Variants in PIEZO1 observed in about 807,000 individuals in gnomAD.
The protein encoded by PIEZO1 is piezo-type mechanosensitive ion channel component 1.
A neutral mutation model predicts 297.2 loss-of-function variants in PIEZO1; 296 were observed. The ratio of observed to expected loss-of-function variants is 1.00; its 90% CI spans 0.91 to 1.10. PIEZO1 has a LOEUF of 1.10. Among genes scored for constraint, PIEZO1 ranks in the 50% least tolerant of loss-of-function variants. PIEZO1 has a pLI of 0.00. For synonymous variants in PIEZO1, 2,427 were observed against 1,507.5 expected (o/e 1.61, Z -14.13); for missense variants, 5,018 against 3,455.5 (o/e 1.45, Z -11.34).
chr16:88,768,835 G>A (rs1432599720), intron 1 of PIEZO1, among the ~76,000 whole-genome samples: 1 of 152,252 alleles, frequency 6.6e-6, no homozygotes, highest in Non-Finnish European at 1.5e-5. Flanking sequence ...ACCGCGAGCT[G>A]CAGGGCCCAG....
Position 88,722,565 on chromosome 16 carries a change from G to C in PIEZO1, c.4775+18C>G. ...CACCAGGGGCAGCAGCTGGGGCTCG[G>C]GTCACCCCCGCACCTACCTGGACAC... On this transcript the variant is annotated intron_variant, in intron 35 of 50. Transcript: ENST00000301015. 6.7e-7 allele frequency: 1 copy of C among 1,492,480 alleles called. No individual in the cohort carries two copies. The highest frequency in any genetic ancestry group is 9.0e-7 in the Non-Finnish European group (1 of 1,116,008). The allele number at this position is 1,492,480 out of a possible 1,614,324, so 92.5% of individuals were successfully genotyped here.
chr16:88,720,384 C>A lies in PIEZO1; in HGVS notation c.5949+1G>T. On this transcript the variant is annotated splice_donor_variant, in intron 41 of 50. Coordinates refer to ENST00000301015, the MANE Select transcript of PIEZO1 (RefSeq NM_001142864.4). LOFTEE classifies it high-confidence loss of function. Reference sequence around the variant, plus strand: ...GGGTTTGGGTCCCGGGCCTGGCTCACCCCAAAGGCCCAGAAGCCAAAAATG... The same window carrying A: ...GGGTTTGGGTCCCGGGCCTGGCTCAACCCAAAGGCCCAGAAGCCAAAAATG... 6.5e-7 allele frequency: 1 copy of A among 1,549,952 alleles called. No individual in the cohort carries two copies. Among genetic ancestry groups the A allele is most frequent in the Non-Finnish European group, 8.7e-7 (1 of 1,146,822 alleles).
intron 1 of PIEZO1, among the ~76,000 whole-genome samples, chr16:88,779,705 A>G (rs1907840886): frequency 6.6e-6 from 1 of 152,228 alleles, no homozygotes; most frequent in Non-Finnish European, 1.5e-5. Context: ...GGAGGCCGAC[A>G]GCCCCACAGG....
intron 1 of PIEZO1, among the ~76,000 whole-genome samples, chr16:88,765,573 G>T (rs558653681): frequency 6.6e-6 from 1 of 152,300 alleles, no homozygotes; most frequent in Non-Finnish European, 1.5e-5. Context: ...CGGACACGTG[G>T]CCAGGTGAGC....
At chr16:88,782,090 C>G (rs893067138) in intron 1 of PIEZO1, among the ~76,000 whole-genome samples, 2 of 152,236 alleles carry the variant, frequency 1.3e-5, no homozygotes, top group African/African-American at 4.8e-5. Flanking sequence ...CCCATATTAT[C>G]AGAATCACAA....
Position 88,715,478 on chromosome 16 carries a change from G to C in PIEZO1, c.*127C>G, listed in dbSNP as rs937824210. ...AGCAGCATCAGGGCTCAGGCAGGCC[G>C]GGAGGATGCATCACAGCTGGCGGCC... is the stretch of plus-strand genomic sequence containing the variant. On this transcript the variant is annotated 3_prime_UTR_variant, in exon 51 of 51. Transcript: ENST00000301015. 2 of 1,067,868 alleles carry C rather than the reference G, an allele frequency of 1.9e-6. No homozygotes were observed. Among genetic ancestry groups the C allele is most frequent in the Non-Finnish European group, 1.3e-6 (1 of 743,782 alleles). The allele number at this position is 1,067,868 out of a possible 1,614,324, so 66.1% of individuals were successfully genotyped here.
At chr16:88,746,673 G>A (rs528775056) in intron 2 of PIEZO1, among the ~76,000 whole-genome samples, 15 of 152,288 alleles carry the variant, frequency 9.8e-5, no homozygotes, top group Non-Finnish European at 2.2e-4. Context: ...CCGGAAAACT[G>A]GGCAGCATCT....
In PIEZO1 at chr16:88,720,869, A is replaced by G. The variant is rs1302799311; in HGVS notation, c.5669-121T>C. ...GACAGACAAGCAGACGGAGCACAGG[A>G]AAGCTCCCAGTGTCACTGGCAAGGA... is the stretch of plus-strand genomic sequence containing the variant. On this transcript the variant is annotated intron_variant, in intron 39 of 50. Coordinates refer to ENST00000301015, the MANE Select transcript of PIEZO1 (RefSeq NM_001142864.4). The G allele has an allele frequency of 6.7e-6, 8 of 1,189,604 alleles. No homozygotes were observed. The Admixed American group carries it at 1.5e-4, about 22-fold the overall frequency. 73.7% of individuals were successfully genotyped at this position (1,189,604 alleles called of 1,614,324 possible).
Position 88,738,797 on chromosome 16 carries a change from C to T in PIEZO1, c.466-61G>A, listed in dbSNP as rs1482669073. 7 of 1,419,648 alleles carry T rather than the reference C, an allele frequency of 4.9e-6. No homozygotes were observed. In the East Asian group the frequency reaches 1.8e-4, roughly 36 times the overall value. 87.9% of individuals were successfully genotyped at this position (1,419,648 alleles called of 1,614,324 possible). The stretch of plus-strand genomic sequence containing the variant: ...ATCGCACTGACGCCACCTCTCCAGC[C>T]CACACCTGCCCAGCCAGGAGCGTGG... On this transcript the variant is annotated intron_variant, in intron 5 of 50. Transcript: ENST00000301015.
At chr16:88,719,247 CACGAA>C in intron 44 of PIEZO1, 1 of 311,384 alleles carries the variant, frequency 3.2e-6, no homozygotes, top group Non-Finnish European at 6.1e-6. Context: ...TGGTCTGACG[CACGAA>C]TTCTCTCTGA....
rs376635522 is a variant in PIEZO1, at chr16:88,721,032, A to G, written c.5668+134T>C. On this transcript the variant is annotated intron_variant, in intron 39 of 50. Transcript: ENST00000301015. The stretch of plus-strand genomic sequence containing the variant: ...TAGGCAGAGCCGGGAGCTGTGGCTC[A>G]GAAGTGGCACCTTCCTGGGATCCAG... The G allele has an allele frequency of 5.8e-4, 563 of 962,800 alleles. 1 individual carries two copies. The highest frequency in any genetic ancestry group is 8.1e-4 in the Non-Finnish European group (541 of 669,552). The allele number at this position is 962,800 out of a possible 1,614,324, so 59.6% of individuals were successfully genotyped here.
Position 88,716,113 on chromosome 16 carries a change from T to G in PIEZO1, c.7136A>C (p.Glu2379Ala), listed in dbSNP as rs778557889. The G allele has an allele frequency of 5.8e-6, 9 of 1,544,262 alleles. No individual in the cohort carries two copies. The highest frequency in any genetic ancestry group is 2.0e-5 in the Admixed American group (1 of 50,614). The stretch of plus-strand genomic sequence containing the variant: ...GATACGCACGCCGAGGTAGTCGGCC[T>G]CCTCATCTGGGATGGAGGGAGAAGA... Reference protein sequence around the residue: ...NPVKQLQPNEEADYLGVRIQL... With the variant: ...NPVKQLQPNEAADYLGVRIQL... The change falls in exon 50 of 51, where the codon GAG (glutamate) becomes GCG (alanine). Residue 2379 changes from glutamate (E) to alanine (A), a missense_variant. Coordinates refer to ENST00000301015, the MANE Select transcript of PIEZO1 (RefSeq NM_001142864.4).
chr16:88,737,392 T>G, intron 10 of PIEZO1, 167 bp downstream of exon 10: 1 of 578,226 alleles, frequency 1.7e-6, no homozygotes, highest in South Asian at 2.1e-5. Flanking sequence ...GCCCTGGGGG[T>G]CTCGGGGGTC....
rs375201765 is a variant in PIEZO1 at position 88,744,183 on chromosome 16, A to G, written c.161-1761T>C. 1.8e-3 allele frequency: 272 copies of G among 155,020 alleles called. 7 individuals carry two copies. The South Asian group carries it at 0.041, about 23-fold the overall frequency. The allele number at this position is 155,020 out of a possible 1,614,324, so 9.6% of individuals were successfully genotyped here. On this transcript the variant is annotated intron_variant, in intron 2 of 50. Transcript: ENST00000301015. ...TACAGCAGGGTCACCGTGGGGTGAC[A>G]TGAGAACACCGACCCAGGGAATGGG...
At chr16:88,730,501 G>A (rs577541133) in intron 22 of PIEZO1, among the ~76,000 whole-genome samples, 1 of 149,876 alleles carries the variant, frequency 6.7e-6, no homozygotes, top group African/African-American at 2.5e-5. Flanking sequence ...GGGAGGCTGA[G>A]ACAGGAGAAT....
In PIEZO1 at chr16:88,734,558, G is replaced by T. The variant is rs1363485692; in HGVS notation, c.1998-20C>A. Reference sequence around the variant, plus strand: ...CCCAGCCTGTGGAGGGGCAGCATCAGCACCGGCCCGGCCCCCGGCAGAGCC... The same window carrying T: ...CCCAGCCTGTGGAGGGGCAGCATCATCACCGGCCCGGCCCCCGGCAGAGCC... On this transcript the variant is annotated intron_variant, in intron 15 of 50. Coordinates refer to ENST00000301015, the MANE Select transcript of PIEZO1 (RefSeq NM_001142864.4). The T allele has an allele frequency of 6.5e-7, 1 of 1,543,184 alleles. No individual in the cohort carries two copies. Among genetic ancestry groups the T allele is most frequent in the African/African-American group, 1.4e-5 (1 of 72,912 alleles).
At chr16:88,738,198 GA>G (rs757015207) in intron 7 of PIEZO1, 28 bp downstream of exon 7, 2 of 1,534,498 alleles carry the variant, frequency 1.3e-6, no homozygotes, top group Admixed American at 2.0e-5. Context: ...AGGGTGGCAG[GA>G]AAAAGGGGCT....
chr16:88,738,297 G>C lies in PIEZO1; in HGVS notation c.778C>G (p.Leu260Val). 1 of 1,535,912 alleles carries C rather than the reference G, an allele frequency of 6.5e-7. No homozygotes were observed. The highest frequency in any genetic ancestry group is 1.2e-5 in the South Asian group (1 of 84,070). Residue 260 changes from leucine to valine, a missense_variant, in exon 7 of 51, where the codon CTC becomes GTC. Leu to Val is a conservative substitution (Grantham distance 32, BLOSUM62 1). Transcript: ENST00000301015. The stretch of plus-strand genomic sequence containing the variant: ...ATCTGGTAGCAGTAGAGGCAGATGA[G>C]ATGGCCGGCGCCGAAGCACCCCACC... The part of the protein sequence containing the change: ...VAVGCFGAGH[L>V]ICLYCYQMPL...
chr16:88,764,510 T>A (rs1907078207), intron 1 of PIEZO1, among the ~76,000 whole-genome samples: 1 of 151,762 alleles, frequency 6.6e-6, no homozygotes, highest in Admixed American at 6.6e-5. Flanking sequence ...GCCAACACTT[T>A]GGGAAGCTAA....
Sources: gnomAD v4.1 joint callset for allele counts (sites outside exome capture counted in the v4.1 genomes callset) on GRCh38, gnomAD v4.1.1 for gene constraint, MANE v1.5 for transcripts, NCBI Gene and HGNC (gene_info 2026-07-23, HGNC 2026-07-21) for gene names.